The following LINGO2 variants were observed in gnomAD, a reference collection of about 807,000 sequenced individuals.
The protein encoded by LINGO2 is leucine rich repeat and Ig domain containing 2, also known as leucine-rich repeat and immunoglobulin-like domain-containing nogo receptor-interacting protein 2.
LINGO2 carries 14 observed loss-of-function variants against 30.6 expected under a neutral mutation model. That is an observed-to-expected ratio of 0.46 (90% CI 0.30 to 0.72). The LOEUF (loss-of-function observed/expected upper bound fraction) is 0.72, where lower values mean the gene tolerates loss of function less well. Among genes scored for constraint, LINGO2 ranks in the 30% least tolerant of loss-of-function variants. The probability of loss-of-function intolerance (pLI) is 0.07; values close to 1 mark genes in which losing one functional copy is unlikely to be tolerated. For synonymous variants in LINGO2, 317 were observed against 288.5 expected, an observed-to-expected ratio of 1.10 and a Z score of -1.00; for missense variants, 729 against 751.7, an observed-to-expected ratio of 0.97 and a Z score of 0.35.
the LINGO2 span, chr9:28,889,099 C>A: frequency 2.8e-6 from 1 of 357,020 alleles, no homozygotes; most frequent in Non-Finnish European, 5.6e-6. Context: ...GTTTTGTGGG[C>A]ATCCCAGACA....
chr9:28,561,737 G>T (rs1232636264), intron 1 of LINGO2, among the ~76,000 whole-genome samples: 3 of 36,498 alleles, frequency 8.2e-5, no homozygotes, highest in Admixed American at 3.3e-4. Context: ...ATATAATTTT[G>T]TGTGTGTGTG....
chr9:28,015,279 C>T (rs905021852), intron 4 of LINGO2, among the ~76,000 whole-genome samples: 5 of 152,148 alleles, frequency 3.3e-5, no homozygotes, highest in Admixed American at 3.3e-4. Flanking sequence ...GCAGGCCTTA[C>T]ATTACAAATT....
the LINGO2 span, among the ~76,000 whole-genome samples, chr9:29,031,724 T>G: frequency 6.6e-6 from 1 of 152,276 alleles, no homozygotes; most frequent in Admixed American, 6.5e-5. Flanking sequence ...GAGTATAATT[T>G]TAAAAACTGA....
At chr9:27,971,770 A>G (rs1820366806) in intron 5 of LINGO2, among the ~76,000 whole-genome samples, 1 of 152,206 alleles carries the variant, frequency 6.6e-6, no homozygotes, top group Non-Finnish European at 1.5e-5. Flanking sequence ...TTTGTTTATA[A>G]GGCCTTTGGG....
At chr9:28,382,610 A>C (rs1232199261) in intron 2 of LINGO2, among the ~76,000 whole-genome samples, 1 of 152,114 alleles carries the variant, frequency 6.6e-6, no homozygotes, top group African/African-American at 2.4e-5. Flanking sequence ...CAGCTCTTCA[A>C]CACCTAAAAT....
chr9:27,950,454 T>C (rs1184913881), exon 6 of LINGO2: 2 of 1,610,788 alleles, frequency 1.2e-6, no homozygotes, highest in Non-Finnish European at 1.7e-6. Flanking sequence ...TTCTTCAGGG[T>C]TGACGCTTTT....
chr9:28,637,483 C>G (rs1191014601), intron 1 of LINGO2, among the ~76,000 whole-genome samples: 1 of 152,074 alleles, frequency 6.6e-6, no homozygotes, highest in South Asian at 2.1e-4. Context: ...TCTTTGTATC[C>G]TCTTTTATTT....
chr9:28,947,771 T>C, the LINGO2 span, among the ~76,000 whole-genome samples: 1 of 151,534 alleles, frequency 6.6e-6, no homozygotes, highest in Non-Finnish European at 1.5e-5. Context: ...AATATGTATA[T>C]ATAGTATGAA....
At position 28,396,025 on chromosome 9, in the gene LINGO2, G is replaced by A. The variant is rs139180175; in HGVS notation, c.-278-23157C>T. ...GTATCCATTGGGCAGAAGGAAACTA[G>A]GGACGCTACCATAATTCACAGTGAG... On this transcript the variant is annotated intron_variant, in intron 2 of 5. Coordinates refer to ENST00000379992, the Ensembl canonical transcript of LINGO2. Among the ~76,000 whole-genome samples, 139 of 152,248 alleles carry A rather than the reference G, an allele frequency of 9.1e-4. 1 individual carries two copies. The highest frequency in any genetic ancestry group is 3.1e-3 in the African/African-American group (129 of 41,550).
intron 5 of LINGO2, among the ~76,000 whole-genome samples, chr9:28,003,696 T>A (rs140849084): frequency 1.3e-5 from 2 of 152,136 alleles, no homozygotes; most frequent in Admixed American, 1.3e-4. Context: ...CTCCTGACCT[T>A]GTGATCCGCC....
At position 28,042,823 on chromosome 9, in the gene LINGO2, G is replaced by T. The variant is rs148164170; in HGVS notation, c.-86-30418C>A. Among the ~76,000 whole-genome samples the T allele has an allele frequency of 2.5e-3, 377 of 152,120 alleles. 3 individuals carry two copies. Among genetic ancestry groups the T allele is most frequent in the African/African-American group, 8.8e-3 (365 of 41,478 alleles). On this transcript the variant is annotated intron_variant, in intron 4 of 5. Coordinates refer to ENST00000379992, the Ensembl canonical transcript of LINGO2. The stretch of plus-strand genomic sequence containing the variant: ...TTCTTCCTTCTTCCCTTTAACAAAT[G>T]TTATTATACAAATAAGAGTTCTGAT...
chr9:27,938,942 G>A, the LINGO2 span: 1 of 152,074 alleles, frequency 6.6e-6, no homozygotes, highest in Non-Finnish European at 1.5e-5. Flanking sequence ...TCTAATCAAG[G>A]ATGAGAAGGA....
chr9:28,731,234 C>A, the LINGO2 span, among the ~76,000 whole-genome samples: 1 of 152,082 alleles, frequency 6.6e-6, no homozygotes, highest in South Asian at 2.1e-4. Flanking sequence ...GGCGATCCAC[C>A]CGCCTCGGCC....
the LINGO2 span, among the ~76,000 whole-genome samples, chr9:29,010,207 T>A: frequency 6.6e-6 from 1 of 152,162 alleles, no homozygotes; most frequent in Non-Finnish European, 1.5e-5. Context: ...AAAGAGCTTC[T>A]GCACAGCAAA....
chr9:28,752,380 G>C, the LINGO2 span, among the ~76,000 whole-genome samples: 1 of 151,986 alleles, frequency 6.6e-6, no homozygotes, highest in Non-Finnish European at 1.5e-5. Context: ...TATTCATTTA[G>C]AAACCAGAAG....
intron 4 of LINGO2, among the ~76,000 whole-genome samples, chr9:28,279,594 GT>G (rs953802069): frequency 2.6e-5 from 4 of 152,062 alleles, no homozygotes; most frequent in African/African-American, 7.2e-5. Context: ...TATGTACATT[GT>G]TTTTAGACAT....
chr9:27,967,764 ACT>A (rs1265102410), intron 5 of LINGO2, among the ~76,000 whole-genome samples: 2 of 152,132 alleles, frequency 1.3e-5, no homozygotes, highest in African/African-American at 4.8e-5. Flanking sequence ...GTAAGGTTTA[ACT>A]CTGACCTTTG....
chr9:28,052,620 T>C (rs1166826464), intron 4 of LINGO2, among the ~76,000 whole-genome samples: 1 of 152,114 alleles, frequency 6.6e-6, no homozygotes. Flanking sequence ...TAAACTTATG[T>C]CATGGGTCCT....
At chr9:28,794,528 G>T in the LINGO2 span, among the ~76,000 whole-genome samples, 56 of 152,138 alleles carry the variant, frequency 3.7e-4, no homozygotes, top group African/African-American at 1.3e-3. Flanking sequence ...CAGAGAAGGG[G>T]AATTGTCCTG....
Sources: allele counts gnomAD v4.1 joint callset (sites outside exome capture counted in the v4.1 genomes callset), GRCh38; gene constraint gnomAD v4.1.1; transcripts MANE v1.5; gene names NCBI Gene and HGNC (gene_info 2026-07-23, HGNC 2026-07-21).